The following RASGEF1C variants were observed in gnomAD, a reference collection of about 807,000 sequenced individuals.
RASGEF1C encodes the protein ras-GEF domain-containing family member 1C.
A neutral mutation model predicts 58.1 loss-of-function variants in RASGEF1C; 27 were observed. The observed-to-expected ratio is 0.46, with a 90% CI of 0.34 to 0.64. RASGEF1C has a LOEUF of 0.64. Among genes scored for constraint, RASGEF1C ranks in the 30% least tolerant of loss-of-function variants. RASGEF1C has a pLI of 0.01. For synonymous variants in RASGEF1C, 243 were observed against 246.3 expected (o/e 0.99, Z 0.13); for missense variants, 502 against 605.1 (o/e 0.83, Z 1.79).
At chr5:180,173,663 C>T (rs1461848408) in intron 1 of RASGEF1C, among the ~76,000 whole-genome samples, 3 of 151,898 alleles carry the variant, frequency 2.0e-5, no homozygotes, top group Non-Finnish European at 2.9e-5. Flanking sequence ...GCCTGTAGTC[C>T]CAGCACTTTG....
chr5:180,136,018 G>A lies in RASGEF1C; in HGVS notation c.438+360C>T, dbSNP rs1466946072. ...CCAGCCCTTCTTGCACGGGAAGTGG[G>A]GCAGGGGCAGGAGGGGGTAGGTCTC... On this transcript the variant is annotated intron_variant, in intron 4 of 13. Coordinates refer to ENST00000361132, the MANE Select transcript of RASGEF1C (RefSeq NM_175062.4). 4.6e-5 allele frequency among the ~76,000 whole-genome samples: 7 copies of A among 152,242 alleles called. 1 individual carries two copies. In the South Asian group the frequency reaches 1.4e-3, roughly 32 times the overall value.
chr5:180,118,806 G>C lies in RASGEF1C; in HGVS notation c.968C>G (p.Ala323Gly). Reference protein sequence around the residue: ...LKKTWAKVRTAKFFILEHQMD... With the variant: ...LKKTWAKVRTGKFFILEHQMD... ...ATTTACCTCGAGGATGAAAAACTTGGCCGTCCTCACTTTGGCCCAGGTCTT... is the reference window on the plus strand; with the variant it reads ...ATTTACCTCGAGGATGAAAAACTTGCCCGTCCTCACTTTGGCCCAGGTCTT... Residue 323 changes from alanine to glycine, a missense_variant, in exon 9 of 14, where the codon GCC (alanine) becomes GGC (glycine). Coordinates refer to ENST00000361132, the MANE Select transcript of RASGEF1C (RefSeq NM_175062.4). 2 of 1,614,212 alleles carry C rather than the reference G, an allele frequency of 1.2e-6. No individual in the cohort carries two copies. The highest frequency in any genetic ancestry group is 1.7e-6 in the Non-Finnish European group (2 of 1,180,016).
chr5:180,101,374 A>G lies in RASGEF1C; in HGVS notation c.*127T>C. The G allele has an allele frequency of 2.0e-6, 2 of 1,010,658 alleles. No homozygotes were observed. Among genetic ancestry groups the G allele is most frequent in the Non-Finnish European group, 1.5e-6 (1 of 686,634 alleles). 62.6% of individuals were successfully genotyped at this position (1,010,658 alleles called of 1,614,324 possible). On this transcript the variant is annotated 3_prime_UTR_variant, in exon 14 of 14. Transcript: ENST00000361132. The stretch of plus-strand genomic sequence containing the variant: ...TGTGGGGGGGGGGGGGGCGGGCAGC[A>G]GGCCACAGGGTCGGCATTTGCAAAA...
chr5:180,180,544 T>C (rs1438955193), intron 1 of RASGEF1C, among the ~76,000 whole-genome samples: 1 of 152,196 alleles, frequency 6.6e-6, no homozygotes, highest in Admixed American at 6.5e-5. Context: ...ATGTCATTGC[T>C]CCTGAGTCCC....
intron 1 of RASGEF1C, among the ~76,000 whole-genome samples, chr5:180,147,732 G>C (rs1173210034): frequency 6.6e-6 from 1 of 152,112 alleles, no homozygotes; most frequent in Non-Finnish European, 1.5e-5. Flanking sequence ...GTTTATCCTG[G>C]AGAATATCCC....
At chr5:180,145,350 A>T (rs1307871658) in intron 1 of RASGEF1C, among the ~76,000 whole-genome samples, 3 of 151,988 alleles carry the variant, frequency 2.0e-5, no homozygotes, top group Non-Finnish European at 4.4e-5. Context: ...TAAACTCCTG[A>T]CCTTAGGTGA....
At chr5:180,152,653 T>C (rs1297425378) in intron 1 of RASGEF1C, among the ~76,000 whole-genome samples, 4 of 150,824 alleles carry the variant, frequency 2.7e-5, no homozygotes, top group Admixed American at 1.3e-4. Flanking sequence ...ACATGGCACA[T>C]GTATACATAT....
At position 180,180,760 on chromosome 5, in the gene RASGEF1C, A is replaced by C. The variant is rs1054757710; in HGVS notation, c.-7+28268T>G. On this transcript the variant is annotated intron_variant, in intron 1 of 13. Transcript: ENST00000361132. ...TACTGGAGTATAACCTACATCCTGG[A>C]AAGCACACAAGCTTGAAGCGTGCAG... is the stretch of plus-strand genomic sequence containing the variant. 4.1e-4 allele frequency among the ~76,000 whole-genome samples: 63 copies of C among 152,242 alleles called. 1 individual carries two copies. Among genetic ancestry groups the C allele is most frequent in the Non-Finnish European group, 7.3e-5 (5 of 68,048 alleles).
intron 1 of RASGEF1C, among the ~76,000 whole-genome samples, chr5:180,164,379 G>T (rs1035585399): frequency 6.6e-6 from 1 of 152,092 alleles, no homozygotes. Context: ...AAAAATAAAA[G>T]ATTTTCCTTG....
chr5:180,123,483 CTA>C (rs1375916025), intron 6 of RASGEF1C, among the ~76,000 whole-genome samples: 6 of 152,032 alleles, frequency 3.9e-5, no homozygotes, highest in African/African-American at 1.2e-4. Flanking sequence ...TTGAAATAAT[CTA>C]TGTTTCAAAG....
At chr5:180,181,499 A>C (rs1391666740) in intron 1 of RASGEF1C, among the ~76,000 whole-genome samples, 1 of 152,022 alleles carries the variant, frequency 6.6e-6, no homozygotes, top group African/African-American at 2.4e-5. Flanking sequence ...GGTGGGGTGG[A>C]CTCCTAATCC....
At chr5:180,166,487 A>T (rs988631471) in intron 1 of RASGEF1C, among the ~76,000 whole-genome samples, 1 of 148,196 alleles carries the variant, frequency 6.7e-6, no homozygotes, top group East Asian at 1.9e-4. Flanking sequence ...AGTGTGTCTT[A>T]TATCACCTTC....
rs747647226 is a variant in RASGEF1C, at chr5:180,118,768, G to A, written c.987+19C>T. The A allele has an allele frequency of 6.2e-7, 1 of 1,614,110 alleles. No homozygotes were observed. The highest frequency in any genetic ancestry group is 8.5e-7 in the Non-Finnish European group (1 of 1,179,902). ...AGGGGATGGCCGGAGGCACCCGGCA[G>A]CCCAGCAGCCTCATTTACCTCGAGG... On this transcript the variant is annotated intron_variant, in intron 9 of 13. Transcript: ENST00000361132.
intron 1 of RASGEF1C, among the ~76,000 whole-genome samples, chr5:180,196,303 C>A (rs1756276059): frequency 6.6e-6 from 1 of 152,020 alleles, no homozygotes. Context: ...AGTTCAAGAC[C>A]AGCCTGGCCA....
At chr5:180,169,549 G>A (rs1767070316) in intron 1 of RASGEF1C, among the ~76,000 whole-genome samples, 1 of 149,856 alleles carries the variant, frequency 6.7e-6, no homozygotes, top group Non-Finnish European at 1.5e-5. Context: ...GGAAGGTCTG[G>A]AGAGGGCTGC....
chr5:180,122,437 GT>G (rs1766191584), intron 6 of RASGEF1C, among the ~76,000 whole-genome samples: 1 of 152,180 alleles, frequency 6.6e-6, no homozygotes, highest in Non-Finnish European at 1.5e-5. Context: ...ACCTAAATGT[GT>G]TTGTTAAAAC....
At chr5:180,109,184 T>C (rs569756411) in intron 12 of RASGEF1C, among the ~76,000 whole-genome samples, 21 of 152,114 alleles carry the variant, frequency 1.4e-4, no homozygotes, top group South Asian at 6.2e-4. Context: ...GGGCCAGGCG[T>C]GGTGGCTCAC....
At chr5:180,188,456 C>A (rs1031694397) in intron 1 of RASGEF1C, among the ~76,000 whole-genome samples, 1 of 152,136 alleles carries the variant, frequency 6.6e-6, no homozygotes, top group African/African-American at 2.4e-5. Flanking sequence ...AAAGGAAAAA[C>A]CACATAATCA....
chr5:180,115,205 G>C (rs1157242806), intron 10 of RASGEF1C: 1 of 377,880 alleles, frequency 2.6e-6, no homozygotes, highest in South Asian at 1.9e-5. Flanking sequence ...AGTAGAGACG[G>C]GGGTTTCACC....
Sources: allele counts gnomAD v4.1 joint callset (sites outside exome capture counted in the v4.1 genomes callset), GRCh38; gene constraint gnomAD v4.1.1; transcripts MANE v1.5; gene names NCBI Gene and HGNC (gene_info 2026-07-23, HGNC 2026-07-21).